The following RASA2 variants were observed in gnomAD, a reference collection of about 807,000 sequenced individuals.
RASA2 encodes RAS p21 protein activator 2.
A neutral mutation model predicts 118.2 loss-of-function variants in RASA2; 155 were observed. The observed-to-expected ratio is 1.31, with a 90% confidence interval of 1.15 to 1.50. RASA2 has a LOEUF of 1.50. Ranked by LOEUF, RASA2 falls within the 40% of genes most tolerant of loss-of-function variation. The probability of loss-of-function intolerance (pLI) is 0.00; values close to 1 mark genes in which losing one functional copy is unlikely to be tolerated. For missense variants in RASA2, 1,016 were observed against 1,009.6 expected, an observed-to-expected ratio of 1.01 and a Z score of -0.09; for synonymous variants, 353 against 349.1, an observed-to-expected ratio of 1.01 and a Z score of -0.12.
At chr3:141,488,328 C>T (rs939710496) in intron 1 of RASA2, among the ~76,000 whole-genome samples, 1 of 152,106 alleles carries the variant, frequency 6.6e-6, no homozygotes, top group Non-Finnish European at 1.5e-5. Context: ...ATAAATAACC[C>T]TCAATTATGA....
chr3:141,545,352 C>G (rs1434577145), intron 5 of RASA2, among the ~76,000 whole-genome samples: 1 of 151,954 alleles, frequency 6.6e-6, no homozygotes, highest in Non-Finnish European at 1.5e-5. Context: ...GCAGCATCTG[C>G]TTCTGGGGAG....
chr3:141,574,184 A>G, intron 14 of RASA2, 117 bp downstream of exon 14: 1 of 591,566 alleles, frequency 1.7e-6, no homozygotes, highest in Non-Finnish European at 2.3e-6. Flanking sequence ...ATTTATTTTT[A>G]TTTTATTTTA....
At chr3:141,596,704 A>G (rs1400998817) in intron 19 of RASA2, among the ~76,000 whole-genome samples, 1 of 152,240 alleles carries the variant, frequency 6.6e-6, no homozygotes, top group Non-Finnish European at 1.5e-5. Context: ...AAGATGCTCA[A>G]CATCATTATT....
chr3:141,609,276 T>G, intron 21 of RASA2, 144 bp from the exon 22 acceptor site: 1 of 493,924 alleles, frequency 2.0e-6, no homozygotes, highest in South Asian at 4.7e-5. Context: ...CCACTTTATT[T>G]TAACTGTCAA....
chr3:141,580,074 AAAAAAAAAAAAATAT>A (rs2083079876), intron 15 of RASA2, among the ~76,000 whole-genome samples: 1 of 107,500 alleles, frequency 9.3e-6, no homozygotes, highest in South Asian at 3.4e-4. Context: ...AAAAAGAAAA[AAAAAAAAAAAAATAT>A]ATATATATAT....
intron 3 of RASA2, among the ~76,000 whole-genome samples, chr3:141,528,072 G>A (rs1221980511): frequency 6.6e-6 from 1 of 151,808 alleles, no homozygotes; most frequent in Non-Finnish European, 1.5e-5. Context: ...AATTTTATAT[G>A]TTTTAACTTC....
intron 10 of RASA2, 112 bp from the exon 11 acceptor site, chr3:141,571,294 C>T: frequency 7.0e-7 from 1 of 1,431,696 alleles, no homozygotes; most frequent in Non-Finnish European, 9.4e-7. Context: ...AATTAAATGT[C>T]CTGTATAACA....
In RASA2 at chr3:141,487,376, GGGGGCGGCGTCGCCTCGAC is replaced by G. The variant is rs1272730664; in HGVS notation, c.133+171_133+189del. On this transcript the variant is annotated intron_variant, in intron 1 of 23. Transcript: ENST00000286364. The stretch of plus-strand genomic sequence containing the variant: ...GTTGAGGCTGGAAGGGGGTGTGTTG[GGGGGCGGCGTCGCCTCGAC>G]GGGGCGGCGTGGGCCGGGGCTGCTG... Among the ~76,000 whole-genome samples the G allele has an allele frequency of 2.6e-4, 40 of 151,682 alleles. No individual in the cohort carries two copies. The East Asian group carries it at 7.4e-3, about 28-fold the overall frequency.
intron 19 of RASA2, chr3:141,600,583 G>A: frequency 4.3e-6 from 1 of 234,542 alleles, no homozygotes; most frequent in Non-Finnish European, 8.6e-6. Context: ...CTCCTTGACG[G>A]GTGCAGGGCA....
rs952323004 is a variant in RASA2 at position 141,608,096 on chromosome 3, C to G, written c.2016+336C>G. Among the ~76,000 whole-genome samples the G allele has an allele frequency of 2.0e-5, 3 of 152,268 alleles. 1 individual carries two copies. On this transcript the variant is annotated intron_variant, in intron 20 of 23. Coordinates refer to ENST00000286364, the MANE Select transcript of RASA2 (RefSeq NM_006506.5). Reference sequence around the variant, plus strand: ...TCTAAGTAATACAGTCCCAAGCTATCTGTCCAGCTTTGTCTTCTGCTCCCA... The same window carrying G: ...TCTAAGTAATACAGTCCCAAGCTATGTGTCCAGCTTTGTCTTCTGCTCCCA...
At position 141,504,865 on chromosome 3, in the gene RASA2, A is replaced by G. The variant is rs570674797; in HGVS notation, c.134-7298A>G. 1.8e-4 allele frequency among the ~76,000 whole-genome samples: 28 copies of G among 152,196 alleles called. No homozygotes were observed. In the South Asian group the frequency reaches 5.4e-3, roughly 29 times the overall value. ...CCACTTTGCTTATTGCTTTGTAGCCATACTGCCCTCCTTGCCACTCCTCCA... is the reference window on the plus strand; with the variant it reads ...CCACTTTGCTTATTGCTTTGTAGCCGTACTGCCCTCCTTGCCACTCCTCCA... On this transcript the variant is annotated intron_variant, in intron 1 of 23. Coordinates refer to ENST00000286364, the MANE Select transcript of RASA2 (RefSeq NM_006506.5).
intron 19 of RASA2, among the ~76,000 whole-genome samples, chr3:141,598,061 G>A (rs983155169): frequency 2.0e-5 from 3 of 152,124 alleles, no homozygotes; most frequent in African/African-American, 7.2e-5. Flanking sequence ...GATGAAATGT[G>A]TCCTAAAAAA....
intron 19 of RASA2, among the ~76,000 whole-genome samples, chr3:141,594,462 G>A (rs1271215730): frequency 1.3e-5 from 2 of 151,882 alleles, no homozygotes; most frequent in Non-Finnish European, 2.9e-5. Context: ...CATGATAAAC[G>A]CAAAGGAAAC....
At chr3:141,573,909 C>A in intron 13 of RASA2, 35 bp from the exon 14 acceptor site, 1 of 1,547,056 alleles carries the variant, frequency 6.5e-7, no homozygotes, top group Non-Finnish European at 8.8e-7. Flanking sequence ...GTGTGAACAT[C>A]AAAATCTTAA....
chr3:141,540,445 A>C lies in RASA2; in HGVS notation c.451-88A>C, dbSNP rs550667443. On this transcript the variant is annotated intron_variant, in intron 4 of 23. Transcript: ENST00000286364. ...GCCATGTGCTAGTGGTCAGTGGATAAATACTGTGGTGATTTGAAAAGGCAC... is the reference window on the plus strand; with the variant it reads ...GCCATGTGCTAGTGGTCAGTGGATACATACTGTGGTGATTTGAAAAGGCAC... 4.7e-6 allele frequency: 5 copies of C among 1,059,746 alleles called. No individual in the cohort carries two copies. The South Asian group carries it at 7.1e-5, about 15-fold the overall frequency. The allele number at this position is 1,059,746 out of a possible 1,614,324, so 65.6% of individuals were successfully genotyped here.
chr3:141,589,930 A>G (rs537953458), intron 19 of RASA2, among the ~76,000 whole-genome samples: 2 of 152,332 alleles, frequency 1.3e-5, no homozygotes, highest in South Asian at 4.1e-4. Flanking sequence ...TACTAGAGGT[A>G]TAAAACAGAC....
At position 141,526,508 on chromosome 3, in the gene RASA2, A is replaced by G. The variant is rs151013313; in HGVS notation, c.356-3200A>G. Among the ~76,000 whole-genome samples the G allele has an allele frequency of 2.4e-3, 366 of 151,456 alleles. 3 individuals are homozygous for G. The highest frequency in any genetic ancestry group is 8.3e-3 in the African/African-American group (342 of 41,218). The stretch of plus-strand genomic sequence containing the variant: ...TTTTATTCCCTTGGGCTGATGATGT[A>G]TATTTCTTTTTATATGTTATATTGC... On this transcript the variant is annotated intron_variant, in intron 3 of 23. Coordinates refer to ENST00000286364, the MANE Select transcript of RASA2 (RefSeq NM_006506.5).
chr3:141,579,467 T>C (rs930557877), intron 15 of RASA2: 1 of 152,196 alleles, frequency 6.6e-6, no homozygotes. Flanking sequence ...TCTTGGATAA[T>C]AGACCCAAAT....
intron 1 of RASA2, among the ~76,000 whole-genome samples, chr3:141,491,911 A>AT (rs2081644267): frequency 6.6e-6 from 1 of 152,224 alleles, no homozygotes; most frequent in African/African-American, 2.4e-5. Flanking sequence ...ATAAATCAAA[A>AT]CATTTTATTG....
Sources: allele counts gnomAD v4.1 joint callset (sites outside exome capture counted in the v4.1 genomes callset), GRCh38; gene constraint gnomAD v4.1.1; transcripts MANE v1.5; gene names NCBI Gene and HGNC (gene_info 2026-07-23, HGNC 2026-07-21).